VPS8: variants seen among roughly 807,000 people sequenced by gnomAD.
VPS8 encodes the protein vacuolar protein sorting-associated protein 8 homolog.
A neutral mutation model predicts 216.4 loss-of-function variants in VPS8; 129 were observed. The observed-to-expected ratio is 0.60, with a 90% CI of 0.52 to 0.69. The LOEUF is 0.69. Ranked by LOEUF, VPS8 falls within the 30% of genes least tolerant of loss-of-function variation. VPS8 has a pLI of 0.00. For missense variants in VPS8, 1,531 were observed against 1,683.5 expected, an observed-to-expected ratio of 0.91 and a Z score of 1.59; for synonymous variants, 571 against 565.4, an observed-to-expected ratio of 1.01 and a Z score of -0.14.
At chr3:184,993,247 T>C (rs1752149250) in intron 42 of VPS8, among the ~76,000 whole-genome samples, 1 of 152,142 alleles carries the variant, frequency 6.6e-6, no homozygotes, top group Non-Finnish European at 1.5e-5. Context: ...TCTTCTCACC[T>C]CTCCCAGAAA....
chr3:184,879,282 C>A (rs986336525), intron 21 of VPS8, among the ~76,000 whole-genome samples: 1 of 152,102 alleles, frequency 6.6e-6, no homozygotes, highest in Non-Finnish European at 1.5e-5. Context: ...CATGAATATC[C>A]GACAAGAGAA....
rs183009832 is a variant in VPS8, at chr3:184,878,682, C to T, written c.1735-7428C>T. 8.9e-4 allele frequency among the ~76,000 whole-genome samples: 136 copies of T among 152,246 alleles called. 1 individual carries two copies. In the East Asian group the frequency reaches 0.023, roughly 26 times the overall value. ...TGATGTCTAGCACATTGCCCTATCC[C>T]TGAGGCTTGATTAAAGTGCTGGTTC... On this transcript the variant is annotated intron_variant, in intron 21 of 47. Transcript: ENST00000625842.
intron 1 of VPS8, among the ~76,000 whole-genome samples, chr3:184,822,855 A>G (rs921935742): frequency 6.6e-6 from 1 of 152,260 alleles, no homozygotes; most frequent in African/African-American, 2.4e-5. Context: ...AAATGTTGCC[A>G]GGCAAAGAGT....
At chr3:184,834,593 C>A in intron 4 of VPS8, 56 bp from the exon 5 acceptor site, 2 of 1,346,690 alleles carry the variant, frequency 1.5e-6, no homozygotes, top group Non-Finnish European at 2.0e-6. Flanking sequence ...AGCTTTGGGA[C>A]CTCTCCTTTT....
intron 45 of VPS8, among the ~76,000 whole-genome samples, chr3:185,016,892 T>C (rs1755875767): frequency 6.6e-6 from 1 of 152,192 alleles, no homozygotes; most frequent in African/African-American, 2.4e-5. Flanking sequence ...GTTAACCATT[T>C]TAAAGGTGTA....
chr3:184,825,774 C>A (rs563561516), intron 2 of VPS8, among the ~76,000 whole-genome samples: 72 of 152,058 alleles, frequency 4.7e-4, no homozygotes, highest in African/African-American at 1.6e-3. Context: ...TGTGGTGGCA[C>A]GTGCCTGTAC....
chr3:184,983,220 G>GCTAAATAT, intron 42 of VPS8, 126 bp downstream of exon 42: 1 of 741,004 alleles, frequency 1.3e-6, no homozygotes, highest in Non-Finnish European at 2.0e-6. Flanking sequence ...TTTGGCAATA[G>GCTAAATAT]CTAAATATCT....
chr3:185,003,630 G>A (rs74708609), intron 45 of VPS8, among the ~76,000 whole-genome samples: 33,822 of 150,980 alleles, frequency 0.22, 4,818 homozygotes, highest in East Asian at 0.51. Context: ...CCACAAAACC[G>A]CCATTGTCAT....
rs752917865 is a variant in VPS8 at position 184,855,857 on chromosome 3, T to A, written c.1143+39T>A. 5.3e-6 allele frequency: 8 copies of A among 1,517,324 alleles called. No homozygotes were observed. In the South Asian group the frequency reaches 9.6e-5, roughly 18 times the overall value. 94.0% of individuals were successfully genotyped at this position (1,517,324 alleles called of 1,614,324 possible). A position where few individuals can be genotyped will look rare whatever the true frequency, so the allele number is the denominator to read the frequency against. On this transcript the variant is annotated intron_variant, in intron 14 of 47. Transcript: ENST00000625842. ...TGACCATTAGAAAGCCTCTTACAAT[T>A]TTTTTTATTCATCAGCAATTAATAA...
At chr3:184,885,869 A>C (rs1415681887) in intron 21 of VPS8, 2 of 416,380 alleles carry the variant, frequency 4.8e-6, no homozygotes, top group African/African-American at 4.0e-5. Context: ...TGAACACCTT[A>C]ATGCATTAAA....
intron 46 of VPS8, 74 bp downstream of exon 46, chr3:185,024,463 C>T (rs544343196): frequency 7.1e-7 from 1 of 1,411,532 alleles, no homozygotes; most frequent in South Asian, 1.3e-5. Context: ...ACAATATTCT[C>T]AACATGGCAA....
chr3:184,876,610 C>T (rs1362495472), intron 21 of VPS8, among the ~76,000 whole-genome samples: 1 of 152,178 alleles, frequency 6.6e-6, no homozygotes, highest in Non-Finnish European at 1.5e-5. Flanking sequence ...GTACCTCAGA[C>T]TCTGTTTCCT....
chr3:184,966,692 GAGGTAACACATCA>G lies in VPS8; in HGVS notation c.3300_3312del (p.Thr1101LysfsTer9). The G allele has an allele frequency of 6.3e-7, 1 of 1,593,216 alleles. No individual in the cohort carries two copies. The highest frequency in any genetic ancestry group is 8.6e-7 in the Non-Finnish European group (1 of 1,166,792). On this transcript the variant is annotated frameshift_variant, in exon 39 of 48. Transcript: ENST00000625842. LOFTEE classifies it high-confidence loss of function. ...CTAGAGACTACAAAGCAAACTTCAA[GAGGTAACACATCA>G]AGGTGAAAGTAAGTTCTTGAAAATA... is the stretch of plus-strand genomic sequence containing the variant.
chr3:184,874,734 CT>C (rs1728942672), intron 21 of VPS8, among the ~76,000 whole-genome samples: 1 of 152,012 alleles, frequency 6.6e-6, no homozygotes, highest in Admixed American at 6.6e-5. Flanking sequence ...ATTTTGTAGG[CT>C]GTTGATAAAC....
At chr3:185,010,640 AGAAAT>A (rs1380895445) in intron 45 of VPS8, among the ~76,000 whole-genome samples, 1 of 152,110 alleles carries the variant, frequency 6.6e-6, no homozygotes, top group Non-Finnish European at 1.5e-5. Context: ...GCATTGGAGA[AGAAAT>A]GATTAGTGAA....
intron 46 of VPS8, among the ~76,000 whole-genome samples, chr3:185,031,122 C>G (rs1758107866): frequency 1.6e-5 from 2 of 123,022 alleles, no homozygotes; most frequent in Non-Finnish European, 3.2e-5. Flanking sequence ...GCCACTGTTT[C>G]CATAACAACC....
intron 14 of VPS8, among the ~76,000 whole-genome samples, chr3:184,856,486 T>G (rs1325903403): frequency 6.6e-6 from 1 of 152,166 alleles, no homozygotes; most frequent in Admixed American, 6.5e-5. Flanking sequence ...GTATTAATAA[T>G]CTCTTGCGTT....
intron 22 of VPS8, among the ~76,000 whole-genome samples, chr3:184,891,023 A>T (rs984839393): frequency 2.6e-5 from 4 of 152,140 alleles, no homozygotes; most frequent in Non-Finnish European, 5.9e-5. Flanking sequence ...TTGAAAATAG[A>T]TCCAGAGTTT....
intron 39 of VPS8, 99 bp downstream of exon 39, chr3:184,966,812 C>T: frequency 2.6e-6 from 2 of 782,562 alleles, no homozygotes; most frequent in East Asian, 2.8e-5. Flanking sequence ...ATTACACTTG[C>T]ATATATGCAT....
Sources: gnomAD v4.1 joint callset for allele counts (sites outside exome capture counted in the v4.1 genomes callset) on GRCh38, gnomAD v4.1.1 for gene constraint, MANE v1.5 for transcripts, NCBI Gene and HGNC (gene_info 2026-07-23, HGNC 2026-07-21) for gene names.